The following PPFIA2 variants were observed in gnomAD, a reference collection of about 807,000 sequenced individuals.
PPFIA2 encodes the protein liprin-alpha-2.
In PPFIA2, 46 loss-of-function variants were observed where a neutral mutation model predicts 175.5. That is an observed-to-expected ratio of 0.26 (90% CI 0.21 to 0.34). The LOEUF (loss-of-function observed/expected upper bound fraction) is 0.34. PPFIA2 is among the 10% of genes least tolerant of loss of function. The pLI, the probability that PPFIA2 is intolerant of heterozygous loss-of-function variation, is 1.00. For synonymous variants in PPFIA2, 568 were observed against 511.4 expected, an observed-to-expected ratio of 1.11 and a Z score of -1.49; for missense variants, 1,179 against 1,506.1, an observed-to-expected ratio of 0.78 and a Z score of 3.60.
At chr12:81,600,142 C>T (rs1007654175) in intron 4 of PPFIA2, among the ~76,000 whole-genome samples, 53 of 151,866 alleles carry the variant, frequency 3.5e-4, no homozygotes, top group Admixed American at 7.9e-4. Flanking sequence ...AGCTTGGCCC[C>T]TTGGAAGACA....
intron 4 of PPFIA2, among the ~76,000 whole-genome samples, chr12:81,676,265 C>A (rs537088547): frequency 8.5e-5 from 13 of 152,060 alleles, no homozygotes; most frequent in Admixed American, 3.3e-4. Flanking sequence ...TCTGACATCA[C>A]AGAAAGGACT....
intron 3 of PPFIA2, among the ~76,000 whole-genome samples, chr12:81,753,496 C>T (rs1597235469): frequency 6.8e-6 from 1 of 147,188 alleles, no homozygotes; most frequent in Non-Finnish European, 1.5e-5. Context: ...ATTAGTAATT[C>T]CAAGAATTTT....
At chr12:81,553,689 G>A (rs1376179302) in intron 4 of PPFIA2, among the ~76,000 whole-genome samples, 1 of 152,042 alleles carries the variant, frequency 6.6e-6, no homozygotes, top group Non-Finnish European at 1.5e-5. Context: ...CTTGACACCA[G>A]CCCATCAAAG....
Position 81,302,730 on chromosome 12 carries a change from C to G in PPFIA2, c.2643-3348G>C, listed in dbSNP as rs112277618. ...GAAGTAACAATTATTTAAAAAAGAA[C>G]AGCATTGAAATTTACAAAGCAATAT... On this transcript the variant is annotated intron_variant, in intron 22 of 32. Transcript: ENST00000549396. The G allele has an allele frequency of 1.1e-3, 472 of 448,770 alleles. 1 individual carries two copies. The highest frequency in any genetic ancestry group is 8.8e-3 in the African/African-American group (442 of 50,004). The allele number at this position is 448,770 out of a possible 1,614,324, so 27.8% of individuals were successfully genotyped here.
chr12:81,677,993 A>C (rs568981284), intron 3 of PPFIA2, among the ~76,000 whole-genome samples: 1 of 152,008 alleles, frequency 6.6e-6, no homozygotes, highest in Non-Finnish European at 1.5e-5. Flanking sequence ...CAACTGATTT[A>C]AGTTGTAAAC....
chr12:81,311,732 C>CAAAAAAAAAAAAA (rs1050904857), intron 22 of PPFIA2, among the ~76,000 whole-genome samples: 3 of 48,356 alleles, frequency 6.2e-5, no homozygotes, highest in African/African-American at 1.7e-4. Context: ...GACTCTGTCT[C>CAAAAAAAAAAAAA]AAAAAAAAAA....
chr12:81,621,335 CA>C (rs1288300643), intron 4 of PPFIA2, among the ~76,000 whole-genome samples: 1 of 152,162 alleles, frequency 6.6e-6, no homozygotes, highest in Non-Finnish European at 1.5e-5. Context: ...GTGGTGAAAG[CA>C]GAGATATAAC....
chr12:81,335,452 A>T (rs1371717601), intron 21 of PPFIA2, among the ~76,000 whole-genome samples: 1 of 152,110 alleles, frequency 6.6e-6, no homozygotes, highest in Non-Finnish European at 1.5e-5. Context: ...ACATTGAAAG[A>T]CAATAAATGG....
chr12:81,693,160 G>T (rs1177548114), intron 3 of PPFIA2, among the ~76,000 whole-genome samples: 4 of 151,952 alleles, frequency 2.6e-5, no homozygotes, highest in African/African-American at 9.7e-5. Flanking sequence ...TCTCTTTTCA[G>T]GAAGCATTAT....
At chr12:81,311,829 A>T (rs1424190021) in intron 22 of PPFIA2, among the ~76,000 whole-genome samples, 1 of 152,026 alleles carries the variant, frequency 6.6e-6, no homozygotes, top group African/African-American at 2.4e-5. Context: ...GTCTCAAAGT[A>T]TGACTTGAGC....
intron 4 of PPFIA2, among the ~76,000 whole-genome samples, chr12:81,603,195 G>A (rs2059962218): frequency 6.6e-6 from 1 of 151,808 alleles, no homozygotes; most frequent in African/African-American, 2.4e-5. Context: ...GAAATGGGGA[G>A]AATATTGCCT....
At chr12:81,428,321 C>T (rs983263501) in intron 7 of PPFIA2, among the ~76,000 whole-genome samples, 10 of 151,926 alleles carry the variant, frequency 6.6e-5, no homozygotes, top group Admixed American at 1.3e-4. Context: ...ATGTCTTATA[C>T]ACAGTAGGTG....
chr12:81,520,249 A>C lies in PPFIA2; in HGVS notation c.304-62383T>G, dbSNP rs2062957540. Among the ~76,000 whole-genome samples, 2 of 152,282 alleles carry C rather than the reference A, an allele frequency of 1.3e-5. 1 individual carries two copies. ...TAGATGATGTTGATGCCTAACGCGC[A>C]GGTAGTGCAGACAGCATGGATATGC... On this transcript the variant is annotated intron_variant, in intron 4 of 32. Transcript: ENST00000549396.
chr12:81,333,625 A>AT (rs534081322), intron 21 of PPFIA2, among the ~76,000 whole-genome samples: 442 of 149,948 alleles, frequency 2.9e-3, no homozygotes, highest in Non-Finnish European at 5.1e-3. Context: ...TGAATTTTTT[A>AT]TTTTTTTTCT....
chr12:81,662,449 A>G (rs2069100553), intron 4 of PPFIA2, among the ~76,000 whole-genome samples: 1 of 152,210 alleles, frequency 6.6e-6, no homozygotes, highest in Admixed American at 6.5e-5. Context: ...TAGAAAATCT[A>G]GAAGAAATGG....
chr12:81,326,232 T>C (rs12582264), intron 21 of PPFIA2, among the ~76,000 whole-genome samples: 6 of 152,152 alleles, frequency 3.9e-5, no homozygotes, highest in Admixed American at 3.3e-4. Flanking sequence ...GTGAGATTTG[T>C]TTATTTTTTC....
chr12:81,286,272 C>G (rs1345465612), intron 24 of PPFIA2, among the ~76,000 whole-genome samples: 4 of 151,894 alleles, frequency 2.6e-5, no homozygotes, highest in Admixed American at 2.0e-4. Flanking sequence ...TAATTTATTA[C>G]TGAGGAAATA....
At chr12:81,379,760 G>A (rs1219034107) in intron 9 of PPFIA2, among the ~76,000 whole-genome samples, 1 of 151,984 alleles carries the variant, frequency 6.6e-6, no homozygotes, top group Non-Finnish European at 1.5e-5. Flanking sequence ...TTAAATTTTG[G>A]ATAATTTCTT....
At chr12:81,388,146 C>T (rs1522318) in intron 8 of PPFIA2, among the ~76,000 whole-genome samples, 52,971 of 151,954 alleles carry the variant, frequency 0.35, 9,944 homozygotes, top group East Asian at 0.54. Flanking sequence ...TCTTAAGAGA[C>T]AATTTAGTAA....
Sources: gnomAD v4.1 joint callset for allele counts (sites outside exome capture counted in the v4.1 genomes callset) on GRCh38, gnomAD v4.1.1 for gene constraint, MANE v1.5 for transcripts, NCBI Gene and HGNC (gene_info 2026-07-23, HGNC 2026-07-21) for gene names.